The following ATP2B4 variants were observed in gnomAD, a reference collection of about 807,000 sequenced individuals.
The protein encoded by ATP2B4 is ATPase plasma membrane Ca2+ transporting 4, also known as plasma membrane calcium-transporting ATPase 4.
Under a neutral mutation model 110.3 loss-of-function variants are expected in ATP2B4, and 39 were observed. That is an observed-to-expected ratio of 0.35 (90% CI 0.27 to 0.46). ATP2B4 has a LOEUF of 0.46. Among genes scored for constraint, ATP2B4 ranks in the 20% least tolerant of loss-of-function variants. The pLI is 1.00. For synonymous variants in ATP2B4, 538 were observed against 571.7 expected (o/e 0.94, Z 0.84); for missense variants, 1,135 against 1,530.9 (o/e 0.74, Z 4.32).
intron 7 of ATP2B4, 63 bp downstream of exon 7, chr1:203,702,142 G>A: frequency 1.3e-6 from 2 of 1,582,394 alleles, no homozygotes; most frequent in Non-Finnish European, 1.7e-6. Flanking sequence ...GACCTTTCCA[G>A]GCCATCTTCC....
At chr1:203,639,459 C>T (rs1031066147) in intron 1 of ATP2B4, among the ~76,000 whole-genome samples, 12 of 152,114 alleles carry the variant, frequency 7.9e-5, no homozygotes, top group East Asian at 7.7e-4. Context: ...CAGCAAGCCC[C>T]GCTTGTTGGT....
chr1:203,733,627 C>T (rs759813631), intron 20 of ATP2B4: 4 of 451,040 alleles, frequency 8.9e-6, no homozygotes, highest in African/African-American at 8.1e-5. Flanking sequence ...GTTTTAAAGA[C>T]AATAATTCTG....
intron 2 of ATP2B4, among the ~76,000 whole-genome samples, chr1:203,686,711 T>TTTTTTTTTTTTTTTTTTTTTTTTTTTG (rs1337372344): frequency 7.3e-6 from 1 of 136,682 alleles, no homozygotes; most frequent in Non-Finnish European, 1.6e-5. Context: ...TTTTTTTTTT[T>TTTTTTTTTTTTTTTTTTTTTTTTTTTG]AGAAGGAGTT....
At chr1:203,676,464 G>A (rs1174212165) in intron 1 of ATP2B4, among the ~76,000 whole-genome samples, 2 of 152,146 alleles carry the variant, frequency 1.3e-5, no homozygotes, top group Non-Finnish European at 2.9e-5. Flanking sequence ...CCGGAGAGAA[G>A]GGCTAGCCAG....
At chr1:203,676,813 G>C (rs1366138231) in intron 1 of ATP2B4, among the ~76,000 whole-genome samples, 1 of 151,974 alleles carries the variant, frequency 6.6e-6, no homozygotes, top group Non-Finnish European at 1.5e-5. Context: ...TTGGGGTGGG[G>C]GTGGGGTGAG....
intron 1 of ATP2B4, among the ~76,000 whole-genome samples, chr1:203,650,329 C>A (rs1384996526): frequency 6.6e-6 from 1 of 152,014 alleles, no homozygotes; most frequent in East Asian, 1.9e-4. Flanking sequence ...GGGAGGGTTC[C>A]CCAGGTGTGT....
rs1046766197 is a variant in ATP2B4 at position 203,741,938 on chromosome 1, C to T, written c.*2084C>T. The T allele has an allele frequency of 1.9e-4, 29 of 152,566 alleles. No individual in the cohort carries two copies. Among genetic ancestry groups the T allele is most frequent in the African/African-American group, 5.3e-4 (22 of 41,426 alleles). The allele number at this position is 152,566 out of a possible 1,614,324, so 9.5% of individuals were successfully genotyped here. ...ATCATTTTAAATAGCAAGCCAATAA[C>T]GAGCTTTGAAGGCTATTTTACCATT... On this transcript the variant is annotated 3_prime_UTR_variant, in exon 21 of 21. Transcript: ENST00000357681.
chr1:203,706,636 C>T (rs1447846951), intron 8 of ATP2B4, among the ~76,000 whole-genome samples: 4 of 152,004 alleles, frequency 2.6e-5, no homozygotes, highest in East Asian at 1.9e-4. Context: ...CATTATGAAT[C>T]GCAGGGAGAG....
Position 203,651,035 on chromosome 1 carries a change from A to G in ATP2B4, c.-465+23816A>G, listed in dbSNP as rs368195775. Among the ~76,000 whole-genome samples the G allele has an allele frequency of 1.4e-4, 22 of 152,202 alleles. 1 individual carries two copies. The East Asian group carries it at 3.5e-3, about 24-fold the overall frequency. ...AGTGATCCTCCTGCCTCGGCCTCCC[A>G]AAGTGCTGGGATTACAGGCATGAGC... is the stretch of plus-strand genomic sequence containing the variant. On this transcript the variant is annotated intron_variant, in intron 1 of 20. Transcript: ENST00000357681.
intron 10 of ATP2B4, among the ~76,000 whole-genome samples, chr1:203,708,338 G>C (rs1160530624): frequency 2.0e-5 from 3 of 152,292 alleles, no homozygotes; most frequent in Middle Eastern, 3.4e-3. Context: ...CTCCCAATTA[G>C]CATGTAAAAG....
intron 11 of ATP2B4, among the ~76,000 whole-genome samples, chr1:203,710,365 A>G (rs1264763972): frequency 6.6e-6 from 1 of 151,700 alleles, no homozygotes; most frequent in Non-Finnish European, 1.5e-5. Flanking sequence ...GTGAGACTCC[A>G]TTACAAAAAA....
intron 15 of ATP2B4, among the ~76,000 whole-genome samples, chr1:203,718,264 AATTTTATTTTATTTTATTTT>A (rs140862881): frequency 6.7e-6 from 1 of 149,652 alleles, no homozygotes; most frequent in Non-Finnish European, 1.5e-5. Flanking sequence ...ATAACTTTCT[AATTTTATTTTATTTTATTTT>A]ATTTTATTTT....
intron 1 of ATP2B4, among the ~76,000 whole-genome samples, chr1:203,640,583 C>G (rs1037878663): frequency 6.6e-6 from 1 of 152,172 alleles, no homozygotes; most frequent in African/African-American, 2.4e-5. Flanking sequence ...CCTTGGCCCC[C>G]CAGAGTGCTG....
At chr1:203,676,197 C>T (rs1020623783) in intron 1 of ATP2B4, among the ~76,000 whole-genome samples, 2 of 152,180 alleles carry the variant, frequency 1.3e-5, no homozygotes, top group Non-Finnish European at 2.9e-5. Flanking sequence ...TGACCTTGTT[C>T]CCATGCCTCC....
intron 14 of ATP2B4, among the ~76,000 whole-genome samples, chr1:203,713,555 C>T (rs542107867): frequency 3.7e-4 from 57 of 152,244 alleles, no homozygotes; most frequent in Non-Finnish European, 1.0e-4. Flanking sequence ...ACCTCCGCCT[C>T]GTGAGTTCAA....
At chr1:203,728,741 C>T (rs2102227915) in intron 20 of ATP2B4, among the ~76,000 whole-genome samples, 1 of 152,284 alleles carries the variant, frequency 6.6e-6, no homozygotes, top group South Asian at 2.1e-4. Flanking sequence ...CCTGTAATCC[C>T]AGCTACTCGG....
intron 1 of ATP2B4, among the ~76,000 whole-genome samples, chr1:203,671,211 A>G (rs1030333589): frequency 5.3e-5 from 8 of 152,134 alleles, no homozygotes; most frequent in Non-Finnish European, 8.8e-5. Context: ...CCTATAGCAT[A>G]TTTATTAGTC....
chr1:203,711,296 G>A (rs1344191882), intron 12 of ATP2B4, among the ~76,000 whole-genome samples, 188 bp downstream of exon 12: 1 of 152,192 alleles, frequency 6.6e-6, no homozygotes, highest in Non-Finnish European at 1.5e-5. Flanking sequence ...GACTAATGCT[G>A]TCTGAGTGTT....
intron 20 of ATP2B4, chr1:203,729,705 T>C: frequency 7.5e-7 from 1 of 1,342,056 alleles, no homozygotes; most frequent in Middle Eastern, 2.1e-4. Context: ...GGGACACAGG[T>C]GCTTCCTGGG....
Sources: allele counts gnomAD v4.1 joint callset (sites outside exome capture counted in the v4.1 genomes callset), GRCh38; gene constraint gnomAD v4.1.1; transcripts MANE v1.5; gene names NCBI Gene and HGNC (gene_info 2026-07-23, HGNC 2026-07-21).